Variants in POU2AF2 observed in about 807,000 individuals in gnomAD.
POU2AF2 encodes the protein POU class 2 homeobox associating factor 2.
the POU2AF2 span, among the ~76,000 whole-genome samples, chr11:111,268,796 C>A: frequency 6.6e-6 from 1 of 151,954 alleles, no homozygotes; most frequent in Non-Finnish European, 1.5e-5. Context: ...GATCCACCCG[C>A]CTCAGGTTCC....
chr11:111,255,640 T>C, the POU2AF2 span, among the ~76,000 whole-genome samples: 1 of 152,216 alleles, frequency 6.6e-6, no homozygotes, highest in South Asian at 2.1e-4. Context: ...GAAGCATCAT[T>C]TCAAGTTGCA....
At chr11:111,283,673 G>A in the POU2AF2 span, among the ~76,000 whole-genome samples, 2 of 152,142 alleles carry the variant, frequency 1.3e-5, no homozygotes, top group Admixed American at 1.3e-4. Flanking sequence ...CAGGCCAGGA[G>A]CACCTCTTGT....
At chr11:111,274,636 G>A in the POU2AF2 span, among the ~76,000 whole-genome samples, 5 of 150,502 alleles carry the variant, frequency 3.3e-5, no homozygotes, top group South Asian at 2.1e-4. Context: ...CACCCCACCC[G>A]ATCCTCTTTG....
the POU2AF2 span, among the ~76,000 whole-genome samples, chr11:111,266,064 A>T: frequency 2.0e-5 from 3 of 152,112 alleles, no homozygotes; most frequent in Non-Finnish European, 2.9e-5. Context: ...TAACAAACCT[A>T]TAATTATACT....
chr11:111,250,106 T>C, the POU2AF2 span, among the ~76,000 whole-genome samples: 1 of 152,136 alleles, frequency 6.6e-6, no homozygotes, highest in African/African-American at 2.4e-5. Context: ...ACTGCATTCT[T>C]CTTCCCCATC....
At chr11:111,248,972 G>A in the POU2AF2 span, among the ~76,000 whole-genome samples, 12 of 152,242 alleles carry the variant, frequency 7.9e-5, no homozygotes, top group South Asian at 2.1e-4. Context: ...TAAATTCTTC[G>A]TCATTAAAGT....
the POU2AF2 span, among the ~76,000 whole-genome samples, chr11:111,276,469 T>C: frequency 8.5e-6 from 1 of 116,960 alleles, no homozygotes; most frequent in Non-Finnish European, 1.7e-5. Flanking sequence ...TATATATATA[T>C]ATATATATAT....
chr11:111,256,187 T>C, the POU2AF2 span: 1 of 397,890 alleles, frequency 2.5e-6, no homozygotes, highest in Non-Finnish European at 4.4e-6. Flanking sequence ...GGTCTGGTAT[T>C]CTCAAAACAA....
chr11:111,247,983 A>G, the POU2AF2 span, among the ~76,000 whole-genome samples: 2 of 142,054 alleles, frequency 1.4e-5, no homozygotes, highest in African/African-American at 5.3e-5. Context: ...TCCCGAATTC[A>G]CGCCATTCTC....
chr11:111,278,655 C>G, the POU2AF2 span, among the ~76,000 whole-genome samples: 1 of 152,156 alleles, frequency 6.6e-6, no homozygotes, highest in Non-Finnish European at 1.5e-5. Flanking sequence ...CACTAAAAAC[C>G]ACACCTAGAT....
At chr11:111,280,057 A>AAAAAAATATATATATATATATAT in the POU2AF2 span, among the ~76,000 whole-genome samples, 2 of 76,472 alleles carry the variant, frequency 2.6e-5, no homozygotes, top group African/African-American at 1.0e-4. Flanking sequence ...AAAAAAAAAA[A>AAAAAAATATATATATATATATAT]ATATATATAT....
At chr11:111,264,578 G>GAA in the POU2AF2 span, among the ~76,000 whole-genome samples, 3 of 29,796 alleles carry the variant, frequency 1.0e-4, no homozygotes, top group African/African-American at 2.8e-4. Context: ...GAAAGAAAGG[G>GAA]AGAGAGAAAG....
the POU2AF2 span, among the ~76,000 whole-genome samples, chr11:111,266,357 A>G: frequency 1.3e-5 from 2 of 152,026 alleles, no homozygotes; most frequent in East Asian, 3.9e-4. Context: ...TGTCCCACCC[A>G]CTGGCACCCC....
the POU2AF2 span, among the ~76,000 whole-genome samples, chr11:111,283,222 A>T: frequency 1.3e-5 from 2 of 151,606 alleles, no homozygotes; most frequent in African/African-American, 2.4e-5. Context: ...TGATTTTTGT[A>T]TTGTTTTTAG....
the POU2AF2 span, among the ~76,000 whole-genome samples, chr11:111,250,863 A>T: frequency 2.0e-5 from 3 of 152,212 alleles, no homozygotes; most frequent in Non-Finnish European, 4.4e-5. Context: ...TTAAGGCAGA[A>T]GTATTCTTGG....
the POU2AF2 span, among the ~76,000 whole-genome samples, chr11:111,249,135 G>A: frequency 8.5e-5 from 13 of 152,136 alleles, no homozygotes; most frequent in Admixed American, 5.9e-4. Context: ...ACACGTCTTT[G>A]TTTTCTCAAC....
At chr11:111,285,161 T>TA in the POU2AF2 span, among the ~76,000 whole-genome samples, 2 of 152,174 alleles carry the variant, frequency 1.3e-5, no homozygotes, top group Non-Finnish European at 2.9e-5. Flanking sequence ...GCTCCAAACT[T>TA]ACGGGATTCC....
At chr11:111,265,731 A>G in the POU2AF2 span, among the ~76,000 whole-genome samples, 1 of 152,162 alleles carries the variant, frequency 6.6e-6, no homozygotes, top group South Asian at 2.1e-4. Context: ...ACTGGATTAT[A>G]GGGAGCTCTG....
chr11:111,271,216 G>A, the POU2AF2 span, among the ~76,000 whole-genome samples: 45 of 151,918 alleles, frequency 3.0e-4, no homozygotes, highest in African/African-American at 1.0e-3. Context: ...CCAGCCACTC[G>A]GGAGGCTAAG....
Sources: gnomAD v4.1 joint callset for allele counts (sites outside exome capture counted in the v4.1 genomes callset) on GRCh38, gnomAD v4.1.1 for gene constraint, MANE v1.5 for transcripts, NCBI Gene and HGNC (gene_info 2026-07-23, HGNC 2026-07-21) for gene names.